PRKN: variants seen among roughly 807,000 people sequenced by gnomAD.
The protein encoded by PRKN is E3 ubiquitin-protein ligase parkin.
Under a neutral mutation model 59.5 loss-of-function variants are expected in PRKN, and 56 were observed. That is an observed-to-expected ratio of 0.94 (90% confidence interval 0.76 to 1.18). The LOEUF (loss-of-function observed/expected upper bound fraction) is 1.18, where lower values mean the gene tolerates loss of function less well. PRKN is among the 50% of genes most tolerant of loss of function. PRKN has a pLI of 0.00. For synonymous variants in PRKN, 250 were observed against 222.1 expected, an observed-to-expected ratio of 1.13 and a Z score of -1.12; for missense variants, 657 against 596.4, an observed-to-expected ratio of 1.10 and a Z score of -1.06.
In PRKN at chr6:162,391,767, G is replaced by A. The variant is rs192583358; in HGVS notation, c.171+51543C>T. On this transcript the variant is annotated intron_variant, in intron 2 of 11. Coordinates refer to ENST00000366898, the MANE Select transcript of PRKN (RefSeq NM_004562.3). ...CAGGCTCCTTTCACACAGCCCTCCTGGCATTCTGCCTGGAAATATGTCATA... is the reference window on the plus strand; with the variant it reads ...CAGGCTCCTTTCACACAGCCCTCCTAGCATTCTGCCTGGAAATATGTCATA... Among the ~76,000 whole-genome samples the A allele has an allele frequency of 4.7e-3, 723 of 152,218 alleles. 5 individuals are homozygous for A. The highest frequency in any genetic ancestry group is 6.2e-3 in the Non-Finnish European group (425 of 68,022).
At position 161,975,272 on chromosome 6, in the gene PRKN, C is replaced by T. The variant is rs141584983; in HGVS notation, c.619-1855G>A. On this transcript the variant is annotated intron_variant, in intron 5 of 11. Coordinates refer to ENST00000366898, the MANE Select transcript of PRKN (RefSeq NM_004562.3). ...GGCCAATTTTTCGTATTAGTAGAGA[C>T]GGGGTTTCACCATTTTAGTCAGGAT... is the stretch of plus-strand genomic sequence containing the variant. Among the ~76,000 whole-genome samples the T allele has an allele frequency of 3.4e-3, 512 of 151,888 alleles. 3 individuals are homozygous for T. Among genetic ancestry groups the T allele is most frequent in the African/African-American group, 0.011 (469 of 41,462 alleles).
Position 162,262,580 on chromosome 6 carries a change from C to A in PRKN, c.357G>T (p.Leu119=), listed in dbSNP as rs1299759266. The stretch of plus-strand genomic sequence containing the variant: ...TGCTGTCAGTGTGCAGAATGACAGC[C>A]AGCCCCACAGAGTCTCCTGGGAGGA... ...SSVLPGDSVG[L]AVILHTDSRK... Residue 119 remains leucine, a synonymous_variant, in exon 3 of 12, where the codon CTG becomes CTT. Transcript: ENST00000366898. The A allele has an allele frequency of 6.2e-7, 1 of 1,613,152 alleles. No homozygotes were observed. The highest frequency in any genetic ancestry group is 1.3e-5 in the African/African-American group (1 of 74,996).
chr6:162,099,541 G>A (rs1409613305), intron 4 of PRKN, among the ~76,000 whole-genome samples: 1 of 152,102 alleles, frequency 6.6e-6, no homozygotes, highest in African/African-American at 2.4e-5. Context: ...CATAAAAGAG[G>A]CAACAGGATA....
At chr6:162,326,810 A>T (rs1291661254) in intron 2 of PRKN, among the ~76,000 whole-genome samples, 2 of 152,218 alleles carry the variant, frequency 1.3e-5, no homozygotes, top group African/African-American at 4.8e-5. Flanking sequence ...TATGCAATGA[A>T]TCAATGTACT....
chr6:162,559,264 A>G (rs1273335540), intron 1 of PRKN, among the ~76,000 whole-genome samples: 1 of 135,642 alleles, frequency 7.4e-6, no homozygotes, highest in African/African-American at 2.5e-5. Context: ...ACTATTTGTA[A>G]ATAATACTAT....
chr6:161,488,006 G>A lies in PRKN; in HGVS notation c.1083+60848C>T, dbSNP rs1369723571. Among the ~76,000 whole-genome samples, 2 of 152,214 alleles carry A rather than the reference G, an allele frequency of 1.3e-5. No homozygotes were observed. The highest frequency in any genetic ancestry group is 2.9e-5 in the Non-Finnish European group (2 of 68,048). On this transcript the variant is annotated intron_variant, in intron 9 of 11. Coordinates refer to ENST00000366898, the MANE Select transcript of PRKN (RefSeq NM_004562.3). This position sits in a 1 kb window ranked among gnomAD's most constrained non-coding sequence, Gnocchi z 4.5. ...GAAATGGGGTGGAGAGAGGGGAAAGGCAGAAAATAAGCAAGGCAATTGAAT... is the reference window on the plus strand; with the variant it reads ...GAAATGGGGTGGAGAGAGGGGAAAGACAGAAAATAAGCAAGGCAATTGAAT...
intron 9 of PRKN, among the ~76,000 whole-genome samples, chr6:161,521,256 C>A (rs752841157): frequency 6.6e-6 from 1 of 152,150 alleles, no homozygotes; most frequent in African/African-American, 2.4e-5. Flanking sequence ...ACGTATTACC[C>A]ATTTGCCTAC....
At chr6:161,702,985 A>G (rs1786316371) in intron 7 of PRKN, among the ~76,000 whole-genome samples, 1 of 151,824 alleles carries the variant, frequency 6.6e-6, no homozygotes, top group African/African-American at 2.4e-5. Flanking sequence ...TACCTACCAA[A>G]GAATTTAAAT....
intron 2 of PRKN, among the ~76,000 whole-genome samples, chr6:162,308,745 C>G (rs1295359011): frequency 6.6e-6 from 1 of 152,008 alleles, no homozygotes; most frequent in Non-Finnish European, 1.5e-5. Context: ...ACAGCCAAGC[C>G]CCATGAAAGA....
At chr6:161,636,328 G>A (rs182666420) in intron 7 of PRKN, among the ~76,000 whole-genome samples, 2 of 152,224 alleles carry the variant, frequency 1.3e-5, no homozygotes. Context: ...GCTGGCAGGG[G>A]CCAGAGGGCA....
chr6:162,129,926 A>G (rs1187998433), intron 4 of PRKN, among the ~76,000 whole-genome samples: 3 of 152,146 alleles, frequency 2.0e-5, no homozygotes, highest in Non-Finnish European at 4.4e-5. Flanking sequence ...AATATACGAA[A>G]ATAGGAAATA....
chr6:162,506,083 C>A (rs1255264841), intron 1 of PRKN, among the ~76,000 whole-genome samples: 1 of 151,802 alleles, frequency 6.6e-6, no homozygotes, highest in Non-Finnish European at 1.5e-5. Flanking sequence ...AAAGGGGCAG[C>A]CAAAGAAGAT....
At chr6:161,880,153 T>C (rs964249036) in intron 6 of PRKN, among the ~76,000 whole-genome samples, 2 of 152,232 alleles carry the variant, frequency 1.3e-5, no homozygotes, top group Non-Finnish European at 2.9e-5. Flanking sequence ...TTCTAAAATA[T>C]CTTATTAAAA....
At chr6:162,697,710 C>A (rs1778018695) in intron 1 of PRKN, among the ~76,000 whole-genome samples, 1 of 152,082 alleles carries the variant, frequency 6.6e-6, no homozygotes, top group African/African-American at 2.4e-5. Context: ...AATTTTAAAA[C>A]TATTAAATAC....
intron 3 of PRKN, among the ~76,000 whole-genome samples, chr6:162,248,689 C>G (rs1244679179): frequency 6.6e-6 from 1 of 152,132 alleles, no homozygotes; most frequent in Non-Finnish European, 1.5e-5. Context: ...CTTCATGAAA[C>G]TAGCACCTAA....
chr6:161,799,099 A>G (rs1790974339), intron 6 of PRKN, among the ~76,000 whole-genome samples: 1 of 152,226 alleles, frequency 6.6e-6, no homozygotes, highest in African/African-American at 2.4e-5. Flanking sequence ...CTTTTGTGCC[A>G]TAATAGCAGC....
At chr6:162,471,465 C>T (rs1037043621) in intron 1 of PRKN, among the ~76,000 whole-genome samples, 1 of 152,174 alleles carries the variant, frequency 6.6e-6, no homozygotes, top group Non-Finnish European at 1.5e-5. Flanking sequence ...CTGCAGTAGA[C>T]CTTTTGCCTT....
In PRKN at chr6:162,387,543, C is replaced by CAT. The variant is rs1354598048; in HGVS notation, c.171+55766_171+55767insAT. ...AAACCCTCCTCACAACACACACACACACACACACACACAGAGAGAGAGAGA... is the reference window on the plus strand; with the variant it reads ...AAACCCTCCTCACAACACACACACACATACACACACACACAGAGAGAGAGAGA... On this transcript the variant is annotated intron_variant, in intron 2 of 11. Transcript: ENST00000366898. Among the ~76,000 whole-genome samples the CAT allele has an allele frequency of 1.0e-3, 77 of 74,026 alleles. 1 individual carries two copies. The highest frequency in any genetic ancestry group is 1.3e-3 in the Admixed American group (7 of 5,386). The allele number at this position is 74,026 out of a possible 152,430, so 48.6% of individuals were successfully genotyped here. A position where few individuals can be genotyped will look rare whatever the true frequency, so the allele number is the denominator to read the frequency against.
intron 6 of PRKN, among the ~76,000 whole-genome samples, chr6:161,968,165 C>A (rs1009101932): frequency 1.3e-5 from 2 of 150,346 alleles, no homozygotes; most frequent in African/African-American, 4.9e-5. Context: ...GGATTACAGG[C>A]GCGCGCCACC....
Sources: allele counts gnomAD v4.1 joint callset (sites outside exome capture counted in the v4.1 genomes callset), GRCh38; gene constraint gnomAD v4.1.1; non-coding constraint Gnocchi (gnomAD v3.1); transcripts MANE v1.5; gene names NCBI Gene and HGNC (gene_info 2026-07-23, HGNC 2026-07-21).